Variants in AVEN observed in about 807,000 individuals in gnomAD.
The protein encoded by AVEN is cell death regulator Aven.
AVEN carries 41 observed loss-of-function variants against 38.1 expected under a neutral mutation model. That is an observed-to-expected ratio of 1.08 (90% CI 0.84 to 1.40). The LOEUF is 1.40. Among genes scored for constraint, AVEN ranks in the 40% most tolerant of loss-of-function variants. AVEN has a pLI of 0.00. For missense variants in AVEN, 605 were observed against 438.8 expected (o/e 1.38, Z -3.38); for synonymous variants, 206 against 171.8 (o/e 1.20, Z -1.56).
At chr15:33,868,623 A>C (rs1890803939) in intron 4 of AVEN, among the ~76,000 whole-genome samples, 2 of 152,106 alleles carry the variant, frequency 1.3e-5, no homozygotes, top group South Asian at 4.1e-4. Flanking sequence ...AAGTGCACTA[A>C]TATAAAGGTG....
At chr15:34,043,177 G>A (rs1280268768), upstream of AVEN, among the ~76,000 whole-genome samples, 1 of 150,962 alleles carries the variant, frequency 6.6e-6, no homozygotes, top group Non-Finnish European at 1.5e-5. Flanking sequence ...AACCTGGGAG[G>A]CAGAGCTTGC....
At chr15:34,006,195 C>T (rs1897331532) in intron 1 of AVEN, among the ~76,000 whole-genome samples, 1 of 152,024 alleles carries the variant, frequency 6.6e-6, no homozygotes, top group Non-Finnish European at 1.5e-5. Context: ...CCTGTAGTCC[C>T]AGCTACTCAG....
chr15:33,897,393 G>A (rs1892276634), intron 2 of AVEN, among the ~76,000 whole-genome samples: 1 of 151,986 alleles, frequency 6.6e-6, no homozygotes, highest in African/African-American at 2.4e-5. Flanking sequence ...CACCTCCCAG[G>A]TGCAAGCAAT....
chr15:33,965,159 T>A, intron 2 of AVEN, among the ~76,000 whole-genome samples: 1 of 152,204 alleles, frequency 6.6e-6, no homozygotes, highest in Admixed American at 6.5e-5. Context: ...AGTCAATAAA[T>A]GTTTATTATT....
downstream of AVEN, chr15:33,864,910 G>C: frequency 1.2e-5 from 6 of 503,706 alleles, no homozygotes; most frequent in South Asian, 6.7e-5. Flanking sequence ...TTGGGGCAGA[G>C]GGGGATTTTT....
At chr15:33,854,758 A>C (rs761999537), downstream of AVEN, 2 of 1,592,432 alleles carry the variant, frequency 1.3e-6, no homozygotes, top group African/African-American at 2.7e-5. Flanking sequence ...GCTTTCTTCC[A>C]TTCCCAGTCC....
chr15:34,023,163 G>T (rs1170245511), intron 1 of AVEN, among the ~76,000 whole-genome samples: 2 of 151,908 alleles, frequency 1.3e-5, no homozygotes, highest in Non-Finnish European at 2.9e-5. Flanking sequence ...CCTGGCAACA[G>T]AGCGAGACTC....
chr15:34,009,819 T>C (rs1021946565), intron 1 of AVEN, among the ~76,000 whole-genome samples: 1 of 151,972 alleles, frequency 6.6e-6, no homozygotes. Context: ...AGAGCATTGC[T>C]ACAAAAATAA....
At position 33,967,391 on chromosome 15, in the gene AVEN, G is replaced by A. The variant is rs373966426; in HGVS notation, c.445+35641C>T. The stretch of plus-strand genomic sequence containing the variant: ...GAGGATTATAGCCAATGTGTTAGGT[G>A]TGATAATGGCACAGGGTCATGTGAA... On this transcript the variant is annotated intron_variant, in intron 2 of 5. Coordinates refer to ENST00000306730, the MANE Select transcript of AVEN (RefSeq NM_020371.3). 1.0e-3 allele frequency among the ~76,000 whole-genome samples: 157 copies of A among 152,168 alleles called. 1 individual carries two copies. The highest frequency in any genetic ancestry group is 3.7e-3 in the African/African-American group (152 of 41,554).
intron 3 of AVEN, among the ~76,000 whole-genome samples, chr15:33,874,585 C>A (rs1333993867): frequency 6.6e-6 from 1 of 152,108 alleles, no homozygotes; most frequent in Non-Finnish European, 1.5e-5. Flanking sequence ...CATCACACCC[C>A]TTATTTTAGG....
At chr15:34,016,039 G>A (rs2140686925) in intron 1 of AVEN, among the ~76,000 whole-genome samples, 2 of 152,302 alleles carry the variant, frequency 1.3e-5, no homozygotes, top group Non-Finnish European at 2.9e-5. Context: ...CACTTTGGGA[G>A]GCCAAGGTGG....
At chr15:33,984,293 A>G (rs1465535768) in intron 2 of AVEN, among the ~76,000 whole-genome samples, 1 of 152,130 alleles carries the variant, frequency 6.6e-6, no homozygotes, top group East Asian at 1.9e-4. Context: ...GAAAATAAAA[A>G]GTTTACAAAA....
chr15:33,862,259 C>A (rs1888544435), downstream of AVEN, among the ~76,000 whole-genome samples: 1 of 152,218 alleles, frequency 6.6e-6, no homozygotes, highest in Admixed American at 6.5e-5. Context: ...GTTGCCCAGG[C>A]TCGAGTGCAG....
At chr15:33,857,334 C>T (rs1284352115), downstream of AVEN, among the ~76,000 whole-genome samples, 3 of 152,114 alleles carry the variant, frequency 2.0e-5, no homozygotes, top group Non-Finnish European at 4.4e-5. Flanking sequence ...CGTCCCTTCA[C>T]GTGTGCCTGT....
intron 1 of AVEN, among the ~76,000 whole-genome samples, chr15:34,020,174 G>A (rs1898141947): frequency 6.6e-6 from 1 of 152,232 alleles, no homozygotes; most frequent in East Asian, 1.9e-4. Flanking sequence ...AGCCAGGCGT[G>A]GTGGTGGGTG....
chr15:33,854,465 G>A (rs2079433466), downstream of AVEN: 1 of 1,550,340 alleles, frequency 6.5e-7, no homozygotes. Context: ...TACTGCACCT[G>A]GAAAAACAAA....
intron 5 of AVEN, among the ~76,000 whole-genome samples, chr15:34,055,485 A>G (rs961172195): frequency 6.6e-6 from 1 of 151,824 alleles, no homozygotes; most frequent in African/African-American, 2.4e-5. Context: ...AGCCTGGGCA[A>G]CAGAGTGAAA....
At chr15:33,988,997 A>G (rs1187045872) in intron 2 of AVEN, among the ~76,000 whole-genome samples, 1 of 152,150 alleles carries the variant, frequency 6.6e-6, no homozygotes, top group Non-Finnish European at 1.5e-5. Context: ...GGAAAACACA[A>G]ATTATTAAAC....
intron 1 of AVEN, among the ~76,000 whole-genome samples, chr15:34,073,189 C>A (rs4377132): frequency 0.98 from 144,947 of 148,240 alleles, 70,931 homozygotes; most frequent in Non-Finnish European, 1. Context: ...TACAGGCGCC[C>A]GCCACCTCGC....
Sources: gnomAD v4.1 joint callset for allele counts (sites outside exome capture counted in the v4.1 genomes callset) on GRCh38, gnomAD v4.1.1 for gene constraint, MANE v1.5 for transcripts, NCBI Gene and HGNC (gene_info 2026-07-23, HGNC 2026-07-21) for gene names.